Variants in TEPSIN observed in about 807,000 individuals in gnomAD.
TEPSIN encodes TEPSIN adaptor related protein complex 4 accessory protein.
A neutral mutation model predicts 48.5 loss-of-function variants in TEPSIN; 50 were observed. That is an observed-to-expected ratio of 1.03 (90% CI 0.82 to 1.31). TEPSIN has a LOEUF of 1.31. Ranked by LOEUF, TEPSIN falls within the 50% of genes most tolerant of loss-of-function variation. The pLI is 0.00. For synonymous variants in TEPSIN, 392 were observed against 358.8 expected (o/e 1.09, Z -1.05); for missense variants, 838 against 815.9 (o/e 1.03, Z -0.33).
At chr17:81,237,498 A>G in intron 1 of TEPSIN, 39 bp from the exon 2 acceptor site, 1 of 1,577,680 alleles carries the variant, frequency 6.3e-7, no homozygotes, top group Non-Finnish European at 8.6e-7. Context: ...ATGAGGTGCC[A>G]TTTCCCACAG....
At chr17:81,235,896 A>T (rs1341086276) in intron 4 of TEPSIN, among the ~76,000 whole-genome samples, 2 of 152,224 alleles carry the variant, frequency 1.3e-5, no homozygotes, top group Non-Finnish European at 2.9e-5. Flanking sequence ...CACTTGCCAT[A>T]AAGTGGGACA....
chr17:81,238,101 G>A, intron 1 of TEPSIN: 2 of 986,348 alleles, frequency 2.0e-6, no homozygotes, highest in Non-Finnish European at 2.4e-6. Flanking sequence ...TATTTAACAG[G>A]ACAAGCATGG....
chr17:81,229,194 G>A lies in TEPSIN; in HGVS notation c.1516C>T (p.Leu506=), dbSNP rs369080458. 239 of 1,609,084 alleles carry A rather than the reference G, an allele frequency of 1.5e-4. No homozygotes were observed. Among genetic ancestry groups the A allele is most frequent in the Non-Finnish European group, 1.8e-4 (218 of 1,179,068 alleles). ...GGTCTCCACCGCCTGCTTTCTGCCA[G>A]TCTGGCCTCGGCCTCGCTGGGGTCT... The part of the protein sequence containing the change: ...PGDPSEAEAR[L]AESRRWRPER... Residue 506 remains leucine (L), a synonymous_variant, in exon 13 of 13, where the codon CTG becomes TTG. Coordinates refer to ENST00000637944, the MANE Select transcript of TEPSIN (RefSeq NM_001363764.2).
In TEPSIN at chr17:81,228,651, AC is replaced by A. The variant is rs2062515663; in HGVS notation, c.*276del. 3 of 519,822 alleles carry A rather than the reference AC, an allele frequency of 5.8e-6. No individual in the cohort carries two copies. In the East Asian group the frequency reaches 1.1e-4, roughly 19 times the overall value. The allele number at this position is 519,822 out of a possible 1,614,324, so 32.2% of individuals were successfully genotyped here. On this transcript the variant is annotated 3_prime_UTR_variant, in exon 13 of 13. Coordinates refer to ENST00000637944, the MANE Select transcript of TEPSIN (RefSeq NM_001363764.2). Reference sequence around the variant, plus strand: ...AGTCGCTTCCGCATTCATACAAGAAACCTCATGTCTGAGAGCAAGACAGGCA... The same window carrying A: ...AGTCGCTTCCGCATTCATACAAGAAACTCATGTCTGAGAGCAAGACAGGCA...
intron 12 of TEPSIN, chr17:81,229,748 A>C (rs1598346564): frequency 2.0e-6 from 1 of 493,966 alleles, no homozygotes; most frequent in Non-Finnish European, 3.6e-6. Flanking sequence ...ACAAATGGAC[A>C]CCCTCCCCGT....
At chr17:81,236,916 C>G (rs933286172) in intron 3 of TEPSIN, 64 bp downstream of exon 3, 68 of 1,533,456 alleles carry the variant, frequency 4.4e-5, no homozygotes, top group Admixed American at 1.2e-4. Flanking sequence ...CGCTCGTCTG[C>G]TCCTCCATCC....
chr17:81,230,510 C>T lies in TEPSIN; in HGVS notation c.1233+34G>A, dbSNP rs549836898. 34 of 1,607,586 alleles carry T rather than the reference C, an allele frequency of 2.1e-5. No homozygotes were observed. In the East Asian group the frequency reaches 6.7e-4, roughly 32 times the overall value. On this transcript the variant is annotated intron_variant, in intron 12 of 12. Transcript: ENST00000637944. This position sits in a 1 kb window ranked among gnomAD's most constrained non-coding sequence, Gnocchi z 4.2. ...GCGTATCTCCCACTGTACCCTTGGACCCCGGTGTGCGTGTGGCCTCCGCAG... is the reference window on the plus strand; with the variant it reads ...GCGTATCTCCCACTGTACCCTTGGATCCCGGTGTGCGTGTGGCCTCCGCAG...
At chr17:81,232,680 G>A (rs2062641694) in intron 7 of TEPSIN, 162 bp from the exon 8 acceptor site, 4 of 621,002 alleles carry the variant, frequency 6.4e-6, no homozygotes, top group Non-Finnish European at 1.1e-5. Flanking sequence ...CCCTCTGGAA[G>A]CTCCCAGTGG....
chr17:81,233,303 G>A lies in TEPSIN; in HGVS notation c.526+129C>T, dbSNP rs1407395267. The A allele has an allele frequency of 3.6e-6, 4 of 1,106,834 alleles. No homozygotes were observed. The African/African-American group carries it at 4.7e-5, about 13-fold the overall frequency. The allele number at this position is 1,106,834 out of a possible 1,614,324, so 68.6% of individuals were successfully genotyped here. On this transcript the variant is annotated intron_variant, in intron 7 of 12. Coordinates refer to ENST00000637944, the MANE Select transcript of TEPSIN (RefSeq NM_001363764.2). The surrounding 1 kb of genome is among the most constrained non-coding windows in gnomAD (Gnocchi z 5.8). ...AGACAGTGGGGACAGCCCCAGGAAG[G>A]GTTGAGGCCATGTAGGGGAGGGGAC...
rs144445705 is a variant in TEPSIN, at chr17:81,237,413, G to A, written c.95C>T (p.Pro32Leu). ...AGCAATCTCTTCAAACAGGTAGCCC[G>A]GACACGGGACATCATCATCGGACGT... Reference protein sequence around the residue: ...KGTSDDDVPCPGYLFEEIAKI... With the variant: ...KGTSDDDVPCLGYLFEEIAKI... The change falls in exon 2 of 13, where the codon CCG becomes CTG. Residue 32 changes from proline to leucine, a missense_variant. By Grantham distance (98) the Pro-to-Leu change is moderately conservative. Coordinates refer to ENST00000637944, the MANE Select transcript of TEPSIN (RefSeq NM_001363764.2). 5.7e-5 allele frequency: 92 copies of A among 1,611,950 alleles called. No homozygotes were observed. The Middle Eastern group carries it at 8.2e-4, about 14-fold the overall frequency.
At chr17:81,231,552 A>G (rs1335045041) in intron 10 of TEPSIN, 26 bp downstream of exon 10, 3 of 1,604,572 alleles carry the variant, frequency 1.9e-6, no homozygotes, top group Admixed American at 3.4e-5. Context: ...GCTGAGGCAG[A>G]GCAGGGCGGG....
At chr17:81,235,505 C>T (rs2062704954) in intron 4 of TEPSIN, among the ~76,000 whole-genome samples, 1 of 152,216 alleles carries the variant, frequency 6.6e-6, no homozygotes, top group South Asian at 2.1e-4. Flanking sequence ...TGCCTCTGCA[C>T]AGGAGAGACT....
intron 4 of TEPSIN, among the ~76,000 whole-genome samples, chr17:81,236,404 C>A (rs1167502140): frequency 6.6e-6 from 1 of 152,164 alleles, no homozygotes; most frequent in South Asian, 2.1e-4. Flanking sequence ...AACTGGCACC[C>A]GGGGCAGCAA....
Position 81,232,304 on chromosome 17 carries a change from C to T in TEPSIN, c.730+11G>A, listed in dbSNP as rs1438500297. ...CCCAGACCCCAAGGGGAGGAGCCCT[C>T]GCCTCGATACCTCGGGGACCTGGAA... On this transcript the variant is annotated intron_variant, in intron 8 of 12. Coordinates refer to ENST00000637944, the MANE Select transcript of TEPSIN (RefSeq NM_001363764.2). 11 of 1,515,664 alleles carry T rather than the reference C, an allele frequency of 7.3e-6. No homozygotes were observed. The highest frequency in any genetic ancestry group is 6.1e-5 in the South Asian group (5 of 82,294). 93.9% of individuals were successfully genotyped at this position (1,515,664 alleles called of 1,614,324 possible). A position where few individuals can be genotyped will look rare whatever the true frequency, so the allele number is the denominator to read the frequency against.
Position 81,230,697 on chromosome 17 carries a change from G to GA in TEPSIN, c.1099-20dup. 1 of 1,519,686 alleles carries GA rather than the reference G, an allele frequency of 6.6e-7. No individual in the cohort carries two copies. The highest frequency in any genetic ancestry group is 8.8e-7 in the Non-Finnish European group (1 of 1,131,238). The allele number at this position is 1,519,686 out of a possible 1,614,324, so 94.1% of individuals were successfully genotyped here. A position where few individuals can be genotyped will look rare whatever the true frequency, so the allele number is the denominator to read the frequency against. Reference sequence around the variant, plus strand: ...GCGCCCTCTGCGGGTGAAGGGAGGGGACATCAGCACCCATGGGGCAGCAGG... The same window carrying GA: ...GCGCCCTCTGCGGGTGAAGGGAGGGGAACATCAGCACCCATGGGGCAGCAGG... On this transcript the variant is annotated intron_variant, in intron 11 of 12. Coordinates refer to ENST00000637944, the MANE Select transcript of TEPSIN (RefSeq NM_001363764.2). The surrounding 1 kb of genome is among the most constrained non-coding windows in gnomAD (Gnocchi z 4.2).
chr17:81,229,270 G>T lies in TEPSIN; in HGVS notation c.1440C>A (p.Ser480=). ...CTGGGGGTGGGGTGGGCACAGGGCT[G>T]GACGGCATCCCAGATGAGGGAGCAG... ...RSPAPSSGMP[S]SPVPTPPPDA... Residue 480 remains serine, a synonymous_variant, in exon 13 of 13, where the codon TCC becomes TCA. Coordinates refer to ENST00000637944, the MANE Select transcript of TEPSIN (RefSeq NM_001363764.2). The T allele has an allele frequency of 6.3e-7, 1 of 1,577,296 alleles. No homozygotes were observed. The highest frequency in any genetic ancestry group is 8.6e-7 in the Non-Finnish European group (1 of 1,161,996).
At position 81,230,510 on chromosome 17, in the gene TEPSIN, C is replaced by A; in HGVS notation, c.1233+34G>T. 1 of 1,607,586 alleles carries A rather than the reference C, an allele frequency of 6.2e-7. No individual in the cohort carries two copies. Among genetic ancestry groups the A allele is most frequent in the Non-Finnish European group, 8.5e-7 (1 of 1,178,364 alleles). On this transcript the variant is annotated intron_variant, in intron 12 of 12. Transcript: ENST00000637944. This position sits in a 1 kb window ranked among gnomAD's most constrained non-coding sequence, Gnocchi z 4.2. ...GCGTATCTCCCACTGTACCCTTGGA[C>A]CCCGGTGTGCGTGTGGCCTCCGCAG...
In TEPSIN at chr17:81,237,439, C is replaced by G; in HGVS notation, c.69G>C (p.Gly23=). Residue 23 remains glycine, a synonymous_variant, in exon 2 of 13, where the codon GGG becomes GGC. Coordinates refer to ENST00000637944, the MANE Select transcript of TEPSIN (RefSeq NM_001363764.2). ...GACACGGGACATCATCATCGGACGT[C>G]CCCTTCAGGAGAATCGGGAGCTGAA... ...FLHRLPILLK[G]TSDDDVPCPG... is the part of the protein sequence containing the mutation. The G allele has an allele frequency of 1.2e-6, 2 of 1,610,878 alleles. No individual in the cohort carries two copies. The highest frequency in any genetic ancestry group is 1.7e-6 in the Non-Finnish European group (2 of 1,178,982).
intron 7 of TEPSIN, chr17:81,232,884 C>G (rs767718516): frequency 1.6e-4 from 39 of 249,042 alleles, no homozygotes; most frequent in Non-Finnish European, 1.2e-4. Context: ...AGAAGCTGCC[C>G]CGACACCAAA....
Sources: gnomAD v4.1 joint callset for allele counts (sites outside exome capture counted in the v4.1 genomes callset) on GRCh38, gnomAD v4.1.1 for gene constraint, Gnocchi (gnomAD v3.1) non-coding constraint, MANE v1.5 for transcripts, NCBI Gene and HGNC (gene_info 2026-07-23, HGNC 2026-07-21) for gene names.